Variants in FOXN3 observed in about 807,000 individuals in gnomAD.
FOXN3 encodes the protein forkhead box protein N3.
In FOXN3, 7 loss-of-function variants were observed where a neutral mutation model predicts 38.4. The observed-to-expected ratio is 0.18, with a 90% CI of 0.10 to 0.34. FOXN3 has a LOEUF of 0.34. Among genes scored for constraint, FOXN3 ranks in the 10% least tolerant of loss-of-function variants. FOXN3 has a pLI of 1.00. For missense variants in FOXN3, 456 were observed against 613.4 expected (o/e 0.74, Z 2.71); for synonymous variants, 230 against 242.2 (o/e 0.95, Z 0.47).
chr14:89,324,979 G>A (rs912711627), intron 3 of FOXN3, among the ~76,000 whole-genome samples: 5 of 152,094 alleles, frequency 3.3e-5, no homozygotes, highest in Non-Finnish European at 5.9e-5. Flanking sequence ...CTAGGGTGGC[G>A]CTGTCCAACA....
At chr14:89,604,280 G>A (rs1896224335) in intron 1 of FOXN3, among the ~76,000 whole-genome samples, 1 of 152,008 alleles carries the variant, frequency 6.6e-6, no homozygotes, top group Non-Finnish European at 1.5e-5. Context: ...CACAGAGAGA[G>A]AGAGAGAGAG....
At chr14:89,352,565 G>A (rs573289001) in intron 2 of FOXN3, among the ~76,000 whole-genome samples, 35 of 152,102 alleles carry the variant, frequency 2.3e-4, no homozygotes, top group Non-Finnish European at 4.6e-4. Flanking sequence ...GGGCCAGTGG[G>A]ACCTGCCTTT....
chr14:89,334,830 C>CTGA (rs1888395159), intron 3 of FOXN3, among the ~76,000 whole-genome samples: 9 of 152,080 alleles, frequency 5.9e-5, no homozygotes, highest in Non-Finnish European at 1.3e-4. Context: ...TGCAATGGTG[C>CTGA]GATCTCAGCT....
At chr14:89,600,511 A>G (rs888522838) in intron 1 of FOXN3, among the ~76,000 whole-genome samples, 2 of 152,250 alleles carry the variant, frequency 1.3e-5, no homozygotes, top group Non-Finnish European at 2.9e-5. Flanking sequence ...TTTGGCAAAT[A>G]AAATATAAAT....
chr14:89,407,539 A>G (rs564296428), intron 2 of FOXN3, among the ~76,000 whole-genome samples: 20 of 152,288 alleles, frequency 1.3e-4, no homozygotes, highest in Admixed American at 7.8e-4. Context: ...GCTTCAAACT[A>G]CTTCAGCAAG....
At chr14:89,357,653 A>G (rs1473674722) in intron 2 of FOXN3, among the ~76,000 whole-genome samples, 1 of 152,198 alleles carries the variant, frequency 6.6e-6, no homozygotes, top group Non-Finnish European at 1.5e-5. Flanking sequence ...CCTGATAAAC[A>G]GCAGTTGACA....
chr14:89,591,836 G>C (rs1895960108), intron 1 of FOXN3, among the ~76,000 whole-genome samples: 1 of 152,090 alleles, frequency 6.6e-6, no homozygotes, highest in African/African-American at 2.4e-5. Flanking sequence ...GAGGCAAGAG[G>C]GTCACCTGAG....
chr14:89,436,165 G>C (rs34149629), intron 1 of FOXN3, among the ~76,000 whole-genome samples: 2 of 151,454 alleles, frequency 1.3e-5, no homozygotes, highest in African/African-American at 4.8e-5. Flanking sequence ...TACAACTCAT[G>C]GGTAGGAAGA....
intron 2 of FOXN3, among the ~76,000 whole-genome samples, chr14:89,380,828 T>G (rs899103614): frequency 1.3e-5 from 2 of 152,082 alleles, no homozygotes; most frequent in Non-Finnish European, 2.9e-5. Flanking sequence ...GAGCTCTACA[T>G]GTTAAGACTC....
chr14:89,162,800 C>A lies in FOXN3; in HGVS notation c.1021G>T (p.Asp341Tyr). The A allele has an allele frequency of 6.2e-7, 1 of 1,612,682 alleles. No individual in the cohort carries two copies. The highest frequency in any genetic ancestry group is 8.5e-7 in the Non-Finnish European group (1 of 1,179,912). ...TTGGTGGCAAACTCATAGTGGTCGT[C>A]GGCTGAGGAGGAGGAGGAGGAGATG... ...DSISSSSSSADDHYEFATKGS... is the reference protein window; with the variant it reads ...DSISSSSSSAYDHYEFATKGS... The change falls in exon 6 of 6, where the codon GAC becomes TAC. Residue 341 changes from aspartate (D) to tyrosine (Y), a missense_variant. Around this residue, in one of 3 missense-constraint regions of FOXN3, gnomAD observed 386 missense variants for 505.2 expected, o/e 0.76. Transcript: ENST00000557258. This position sits in a 1 kb window ranked among gnomAD's most constrained non-coding sequence, Gnocchi z 7.2.
chr14:89,554,498 T>C (rs752347982), intron 1 of FOXN3, among the ~76,000 whole-genome samples: 2 of 152,180 alleles, frequency 1.3e-5, no homozygotes, highest in African/African-American at 2.4e-5. Flanking sequence ...TATTTGTTGT[T>C]GTTCACTTTT....
rs190947412 is a variant in FOXN3 at position 89,347,666 on chromosome 14, G to A, written c.680+3006C>T. ...TCAAAAGGGCACTTTAGAAAACAGA[G>A]GCATGGGCCGGGCGCGGTGGCTCAC... is the stretch of plus-strand genomic sequence containing the variant. On this transcript the variant is annotated intron_variant, in intron 3 of 5. Transcript: ENST00000557258. Among the ~76,000 whole-genome samples, 279 of 152,354 alleles carry A rather than the reference G, an allele frequency of 1.8e-3. 1 individual carries two copies. Among genetic ancestry groups the A allele is most frequent in the African/African-American group, 6.4e-3 (268 of 41,592 alleles).
intron 1 of FOXN3, among the ~76,000 whole-genome samples, chr14:89,495,941 A>G (rs1284599242): frequency 6.6e-6 from 1 of 152,142 alleles, no homozygotes; most frequent in Admixed American, 6.5e-5. Flanking sequence ...CATGCTCACA[A>G]TGCAGTTGGC....
At chr14:89,401,464 C>T in intron 2 of FOXN3, 1 of 411,214 alleles carries the variant, frequency 2.4e-6, no homozygotes, top group East Asian at 7.2e-5. Context: ...TCTGCAAGAC[C>T]TCAGAACCAT....
At chr14:89,216,445 C>A (rs184333891) in intron 4 of FOXN3, among the ~76,000 whole-genome samples, 2,842 of 152,268 alleles carry the variant, frequency 0.019, 83 homozygotes, top group African/African-American at 0.063. Flanking sequence ...CACTCTCCCA[C>A]AACCTAACCC....
intron 1 of FOXN3, among the ~76,000 whole-genome samples, chr14:89,467,725 A>C (rs1893000593): frequency 6.7e-6 from 1 of 149,978 alleles, no homozygotes; most frequent in Non-Finnish European, 1.5e-5. Flanking sequence ...CTTCCCAAAT[A>C]GCTGAGACTA....
intron 1 of FOXN3, among the ~76,000 whole-genome samples, chr14:89,469,949 A>G (rs1276363995): frequency 6.6e-6 from 1 of 152,266 alleles, no homozygotes; most frequent in Admixed American, 6.5e-5. Context: ...TAAAGAGGCA[A>G]CCAGCTTCAG....
intron 1 of FOXN3, among the ~76,000 whole-genome samples, chr14:89,560,162 C>A (rs913188356): frequency 2.0e-5 from 3 of 152,138 alleles, no homozygotes; most frequent in Non-Finnish European, 4.4e-5. Context: ...TGCTACCCAG[C>A]TTTAAATAAC....
intron 1 of FOXN3, among the ~76,000 whole-genome samples, chr14:89,471,485 GGAGTGGGAGGATCACTT>G (rs1229181335): frequency 6.6e-6 from 1 of 152,124 alleles, no homozygotes; most frequent in Non-Finnish European, 1.5e-5. Context: ...CACACCTGTA[GGAGTGGGAGGATCACTT>G]GAGCCTAGGA....
Sources: gnomAD v4.1 joint callset for allele counts (sites outside exome capture counted in the v4.1 genomes callset) on GRCh38, gnomAD v4.1.1 for gene constraint, gnomAD v4.1.1 regional missense constraint, Gnocchi (gnomAD v3.1) non-coding constraint, MANE v1.5 for transcripts, NCBI Gene and HGNC (gene_info 2026-07-23, HGNC 2026-07-21) for gene names.